EML2: variants seen among roughly 807,000 people sequenced by gnomAD.
EML2 encodes EMAP like 2.
In EML2, 59 loss-of-function variants were observed where a neutral mutation model predicts 84.7. The ratio of observed to expected loss-of-function variants is 0.70; its 90% confidence interval spans 0.56 to 0.86. The LOEUF (loss-of-function observed/expected upper bound fraction) is 0.86. Ranked by LOEUF, EML2 falls within the 40% of genes least tolerant of loss-of-function variation. The probability of loss-of-function intolerance (pLI) is 0.00; values close to 1 mark genes in which losing one functional copy is unlikely to be tolerated. For missense variants in EML2, 818 were observed against 855.6 expected (o/e 0.96, Z 0.55); for synonymous variants, 352 against 348.9 (o/e 1.01, Z -0.10).
At chr19:45,633,229 T>C (rs16979952) in intron 4 of EML2, 90 bp from the exon 5 acceptor site, 148,437 of 1,310,276 alleles carry the variant, frequency 0.11, 9,038 homozygotes, top group East Asian at 0.19. Context: ...AATTGGCTGG[T>C]TGAGTTTAGT....
At chr19:45,623,162 A>T (rs1971918117) in intron 9 of EML2, among the ~76,000 whole-genome samples, 1 of 151,150 alleles carries the variant, frequency 6.6e-6, no homozygotes, top group African/African-American at 2.4e-5. Context: ...GATGGAGACC[A>T]TCCTGGCTAA....
At chr19:45,642,494 T>G (rs371595783), upstream of EML2, 3 of 1,433,408 alleles carry the variant, frequency 2.1e-6, no homozygotes, top group South Asian at 3.0e-5. Flanking sequence ...CACTTGGACA[T>G]GAGCCAAGGA....
upstream of EML2, chr19:45,644,767 G>T: frequency 2.2e-6 from 1 of 456,158 alleles, no homozygotes; most frequent in Non-Finnish European, 4.4e-6. Context: ...TAGGGAGAAG[G>T]GATGGTGCTA....
At chr19:45,641,467 C>G (rs1600243395), upstream of EML2, 2 of 641,060 alleles carry the variant, frequency 3.1e-6, no homozygotes, top group East Asian at 5.6e-5. Flanking sequence ...CCCAGACCTT[C>G]CACTGTTACC....
upstream of EML2, chr19:45,639,439 C>T: frequency 8.1e-7 from 1 of 1,240,792 alleles, no homozygotes; most frequent in Non-Finnish European, 1.0e-6. Flanking sequence ...CCGCTTCCGG[C>T]CCTGGGAGGC....
At chr19:45,641,882 T>C (rs1317830659), upstream of EML2, 10 of 1,460,882 alleles carry the variant, frequency 6.8e-6, no homozygotes, top group East Asian at 2.2e-4. Context: ...CCACGAGGTC[T>C]TGGAAGAGGC....
At position 45,626,848 on chromosome 19, in the gene EML2, G is replaced by C; in HGVS notation, c.607-9C>G. ...ACAGCCTCATTGGAGCACTTTGGGG[G>C]GTGGGGGAGATTCTGAATGAGGACC... On this transcript the variant is annotated splice_polypyrimidine_tract_variant and intron_variant, in intron 7 of 18. Transcript: ENST00000245925. The C allele has an allele frequency of 6.2e-7, 1 of 1,605,050 alleles. No homozygotes were observed. Among genetic ancestry groups the C allele is most frequent in the Non-Finnish European group, 8.5e-7 (1 of 1,175,098 alleles).
chr19:45,640,592 T>C (rs1974362300), upstream of EML2: 3 of 152,222 alleles, frequency 2.0e-5, no homozygotes, highest in East Asian at 3.9e-4. Flanking sequence ...CCCATTTTTG[T>C]ATTATTAATA....
intron 7 of EML2, 69 bp from the exon 8 acceptor site, chr19:45,626,908 C>A: frequency 6.8e-7 from 1 of 1,481,390 alleles, no homozygotes; most frequent in East Asian, 2.5e-5. Context: ...CCGCCCCTCA[C>A]AGGACTGCCC....
intron 11 of EML2, among the ~76,000 whole-genome samples, chr19:45,619,666 G>T (rs573154719): frequency 2.0e-5 from 3 of 152,374 alleles, no homozygotes; most frequent in African/African-American, 7.2e-5. Context: ...ATCTAGGCAG[G>T]TGACATCTCC....
At chr19:45,619,914 G>A (rs1398310103) in intron 11 of EML2, among the ~76,000 whole-genome samples, 1 of 152,040 alleles carries the variant, frequency 6.6e-6, no homozygotes, top group Non-Finnish European at 1.5e-5. Flanking sequence ...TGCCAGTTGT[G>A]GTGGTGCACA....
intron 7 of EML2, among the ~76,000 whole-genome samples, chr19:45,627,401 C>T (rs1227100189): frequency 1.3e-5 from 2 of 151,790 alleles, no homozygotes; most frequent in Non-Finnish European, 2.9e-5. Context: ...TTTACAGGGA[C>T]GTGCCACCAC....
chr19:45,632,745 G>A, intron 6 of EML2, 116 bp downstream of exon 6: 1 of 857,438 alleles, frequency 1.2e-6, no homozygotes, highest in Non-Finnish European at 1.8e-6. Context: ...CACAGAGGCG[G>A]GCCACGCCTC....
chr19:45,633,662 C>A (rs1006859766), intron 4 of EML2, among the ~76,000 whole-genome samples: 2 of 152,050 alleles, frequency 1.3e-5, no homozygotes, highest in African/African-American at 4.8e-5. Context: ...TCGCTTGAAC[C>A]CAGGAGCGGA....
chr19:45,618,969 T>G, intron 12 of EML2, 91 bp downstream of exon 12: 3 of 1,330,990 alleles, frequency 2.3e-6, no homozygotes, highest in Non-Finnish European at 2.0e-6. Flanking sequence ...AAAAAGACCT[T>G]GTTTGGTTTC....
rs1970716774 is a variant in EML2, at chr19:45,613,616, A to G, written c.1749T>C (p.His583=). The change falls in exon 18 of 19, where the codon CAT becomes CAC. Residue 583 remains histidine, a synonymous_variant. Transcript: ENST00000245925. ...GTDINAVARS[H]DGKLLASADD... ...CAGCTGAAGCCAGCAACTTCCCATC[A>G]TGAGAGCGGGCCACAGCGTTGATAT... 6.2e-7 allele frequency: 1 copy of G among 1,613,976 alleles called. No homozygotes were observed. The highest frequency in any genetic ancestry group is 1.3e-5 in the African/African-American group (1 of 74,916).
intron 4 of EML2, 89 bp from the exon 5 acceptor site, chr19:45,633,228 G>A: frequency 1.5e-6 from 2 of 1,306,060 alleles, no homozygotes; most frequent in Middle Eastern, 1.8e-4. Flanking sequence ...AAATTGGCTG[G>A]TTGAGTTTAG....
chr19:45,613,787 G>A (rs1318241095), intron 17 of EML2, 116 bp from the exon 18 acceptor site: 10 of 1,280,744 alleles, frequency 7.8e-6, no homozygotes, highest in South Asian at 5.6e-5. Flanking sequence ...GTATCTATCC[G>A]AGGATATGAG....
intron 6 of EML2, 86 bp downstream of exon 6, chr19:45,632,775 C>T: frequency 1.7e-6 from 2 of 1,201,912 alleles, no homozygotes; most frequent in South Asian, 2.7e-5. Context: ...TCCCGGCCCT[C>T]AACCCAAGGG....
Sources: gnomAD v4.1 joint callset for allele counts (sites outside exome capture counted in the v4.1 genomes callset) on GRCh38, gnomAD v4.1.1 for gene constraint, MANE v1.5 for transcripts, NCBI Gene and HGNC (gene_info 2026-07-23, HGNC 2026-07-21) for gene names.